FNBP1: variants seen among roughly 807,000 people sequenced by gnomAD.
The protein encoded by FNBP1 is formin-binding protein 1.
A neutral mutation model predicts 90.6 loss-of-function variants in FNBP1; 26 were observed. The observed-to-expected ratio is 0.29, with a 90% confidence interval of 0.21 to 0.40. The LOEUF (loss-of-function observed/expected upper bound fraction) is 0.40, where lower values mean the gene tolerates loss of function less well. Among genes scored for constraint, FNBP1 ranks in the 10% least tolerant of loss-of-function variants. The pLI, the probability that FNBP1 is intolerant of heterozygous loss-of-function variation, is 1.00. For synonymous variants in FNBP1, 260 were observed against 265.2 expected (o/e 0.98, Z 0.19); for missense variants, 635 against 768.0 (o/e 0.83, Z 2.05).
At chr9:129,995,846 A>AAGG in intron 1 of FNBP1, among the ~76,000 whole-genome samples, 1 of 152,334 alleles carries the variant, frequency 6.6e-6, no homozygotes, top group Admixed American at 6.5e-5. Context: ...TAGATCACCC[A>AAGG]AGGCCTTGAA....
At chr9:129,938,380 T>G (rs1307419858) in intron 6 of FNBP1, among the ~76,000 whole-genome samples, 1 of 152,044 alleles carries the variant, frequency 6.6e-6, no homozygotes, top group Non-Finnish European at 1.5e-5. Flanking sequence ...TCAGATAGAG[T>G]GCTGTGAGTT....
chr9:129,996,009 G>C (rs1313551706), intron 1 of FNBP1, among the ~76,000 whole-genome samples: 1 of 152,204 alleles, frequency 6.6e-6, no homozygotes, highest in Non-Finnish European at 1.5e-5. Context: ...TAGTGTGTGA[G>C]TGGCCGGTTG....
In FNBP1 at chr9:130,041,567, G is replaced by C. The variant is rs950869858; in HGVS notation, c.24+1385C>G. Among the ~76,000 whole-genome samples, 1 of 152,162 alleles carries C rather than the reference G, an allele frequency of 6.6e-6. No homozygotes were observed. Among genetic ancestry groups the C allele is most frequent in the Non-Finnish European group, 1.5e-5 (1 of 68,034 alleles). On this transcript the variant is annotated intron_variant, in intron 1 of 16. Coordinates refer to ENST00000446176, the MANE Select transcript of FNBP1 (RefSeq NM_015033.3). This position sits in a 1 kb window ranked among gnomAD's most constrained non-coding sequence, Gnocchi z 4.3. ...ATAGATTTTGCCTAAACTGGTGTGTGCAAATATTTTAAACTATTTTATTTT... is the reference window on the plus strand; with the variant it reads ...ATAGATTTTGCCTAAACTGGTGTGTCCAAATATTTTAAACTATTTTATTTT...
At chr9:129,892,404 CACACACACACACAA>C (rs1564242539) in intron 16 of FNBP1, among the ~76,000 whole-genome samples, 4 of 146,832 alleles carry the variant, frequency 2.7e-5, no homozygotes, top group Admixed American at 1.4e-4. Flanking sequence ...CACACACACA[CACACACACACACAA>C]AAAGGTTGAC....
At chr9:130,000,642 C>A (rs944102773) in intron 1 of FNBP1, among the ~76,000 whole-genome samples, 1 of 152,048 alleles carries the variant, frequency 6.6e-6, no homozygotes, top group Non-Finnish European at 1.5e-5. Context: ...TCTGATGAGT[C>A]TTTAATATTT....
At chr9:129,988,551 C>T (rs909467253) in intron 2 of FNBP1, among the ~76,000 whole-genome samples, 5 of 152,042 alleles carry the variant, frequency 3.3e-5, no homozygotes, top group African/African-American at 1.2e-4. Context: ...GTGGTGTGCG[C>T]CTGTAGTCCC....
At chr9:129,965,202 T>G (rs1052749355) in intron 4 of FNBP1, among the ~76,000 whole-genome samples, 1 of 152,188 alleles carries the variant, frequency 6.6e-6, no homozygotes, top group Non-Finnish European at 1.5e-5. Flanking sequence ...GGGTATGTCG[T>G]ACCCCACTTA....
intron 1 of FNBP1, among the ~76,000 whole-genome samples, chr9:130,005,906 T>C (rs2055628373): frequency 6.6e-6 from 1 of 152,208 alleles, no homozygotes; most frequent in South Asian, 2.1e-4. Context: ...CACAAAATCA[T>C]ATATTCATCT....
Position 130,002,058 on chromosome 9 carries a change from G to A in FNBP1, c.25-7100C>T, listed in dbSNP as rs148293122. On this transcript the variant is annotated intron_variant, in intron 1 of 16. Coordinates refer to ENST00000446176, the MANE Select transcript of FNBP1 (RefSeq NM_015033.3). ...AAAAAAAAAAAAAAAGCCGGGCATG[G>A]AGACCCATGCCTGTAATCCTAGCTA... Among the ~76,000 whole-genome samples the A allele has an allele frequency of 2.6e-3, 384 of 146,508 alleles. 3 individuals carry two copies. Among genetic ancestry groups the A allele is most frequent in the Non-Finnish European group, 4.0e-3 (271 of 67,188 alleles).
chr9:129,888,499 G>A lies in FNBP1; in HGVS notation c.*2040C>T, dbSNP rs1488504878. 1 of 232,698 alleles carries A rather than the reference G, an allele frequency of 4.3e-6. No homozygotes were observed. The highest frequency in any genetic ancestry group is 2.2e-5 in the African/African-American group (1 of 45,314). The allele number at this position is 232,698 out of a possible 1,614,324, so 14.4% of individuals were successfully genotyped here. A position where few individuals can be genotyped will look rare whatever the true frequency, so the allele number is the denominator to read the frequency against. ...CCTGTGTCATCCGGGCTTGTCTTTC[G>A]TCTGTCAAGTCAGTCCTCCTGCGTG... On this transcript the variant is annotated 3_prime_UTR_variant, in exon 17 of 17. Coordinates refer to ENST00000446176, the MANE Select transcript of FNBP1 (RefSeq NM_015033.3).
intron 1 of FNBP1, among the ~76,000 whole-genome samples, 184 bp from the exon 2 acceptor site, chr9:129,995,142 C>T (rs987663112): frequency 4.6e-5 from 7 of 152,030 alleles, no homozygotes; most frequent in African/African-American, 1.7e-4. Context: ...GTTTGAAAAC[C>T]GCCTGGAGTA....
chr9:129,945,514 T>C (rs2045121081), intron 6 of FNBP1, among the ~76,000 whole-genome samples: 1 of 152,232 alleles, frequency 6.6e-6, no homozygotes, highest in Non-Finnish European at 1.5e-5. Context: ...GTCAACCTAG[T>C]ACTACAGCAA....
intron 6 of FNBP1, among the ~76,000 whole-genome samples, chr9:129,939,492 A>G (rs80304535): frequency 0.1 from 15,236 of 152,180 alleles, 859 homozygotes; most frequent in African/African-American, 0.16. Flanking sequence ...ACTAACCTCA[A>G]TGTTAGTTTT....
chr9:130,007,235 C>T (rs2055851839), intron 1 of FNBP1, among the ~76,000 whole-genome samples: 1 of 51,792 alleles, frequency 1.9e-5, no homozygotes, highest in Non-Finnish European at 3.5e-5. Flanking sequence ...GAGTGAGATC[C>T]TGTCAAAAAA....
intron 4 of FNBP1, among the ~76,000 whole-genome samples, chr9:129,973,484 T>C (rs954554715): frequency 6.6e-6 from 1 of 152,130 alleles, no homozygotes; most frequent in Non-Finnish European, 1.5e-5. Flanking sequence ...TTTCTTCTTT[T>C]CTTTTCTGTT....
At chr9:129,910,176 T>C (rs1382369354) in intron 11 of FNBP1, 1 of 456,206 alleles carries the variant, frequency 2.2e-6, no homozygotes, top group African/African-American at 2.0e-5. Flanking sequence ...AGTGAGGCTA[T>C]GTTCATAAAG....
At chr9:129,980,313 T>C (rs2050996362) in intron 2 of FNBP1, among the ~76,000 whole-genome samples, 2 of 145,150 alleles carry the variant, frequency 1.4e-5, no homozygotes, top group South Asian at 2.2e-4. Flanking sequence ...TGAGCCGAGA[T>C]CGCACCATTG....
intron 4 of FNBP1, among the ~76,000 whole-genome samples, chr9:129,963,224 T>C (rs2048086098): frequency 1.3e-5 from 2 of 152,146 alleles, no homozygotes; most frequent in African/African-American, 2.4e-5. Context: ...GGGGCAATGC[T>C]GTGGGTGGAG....
At chr9:130,037,543 C>T (rs2059428856) in intron 1 of FNBP1, among the ~76,000 whole-genome samples, 1 of 152,076 alleles carries the variant, frequency 6.6e-6, no homozygotes, top group Non-Finnish European at 1.5e-5. Context: ...AAATTCAACA[C>T]ACTATAAAGT....
Sources: gnomAD v4.1 joint callset for allele counts (sites outside exome capture counted in the v4.1 genomes callset) on GRCh38, gnomAD v4.1.1 for gene constraint, Gnocchi (gnomAD v3.1) non-coding constraint, MANE v1.5 for transcripts, NCBI Gene and HGNC (gene_info 2026-07-23, HGNC 2026-07-21) for gene names.